VAV2: variants seen among roughly 807,000 people sequenced by gnomAD.
VAV2 encodes guanine nucleotide exchange factor VAV2.
VAV2 carries 67 observed loss-of-function variants against 132.5 expected under a neutral mutation model. That is an observed-to-expected ratio of 0.51 (90% CI 0.42 to 0.62). The LOEUF is 0.62. Ranked by LOEUF, VAV2 falls within the 20% of genes least tolerant of loss-of-function variation. The pLI is 0.00. For missense variants in VAV2, 938 were observed against 1,153.6 expected (o/e 0.81, Z 2.71); for synonymous variants, 492 against 443.5 (o/e 1.11, Z -1.37).
In VAV2 at chr9:133,885,403, T is replaced by G. The variant is rs1838663090; in HGVS notation, c.322-23971A>C. ...TCGATGAGCAAACATGGCCCAGCGA[T>G]TTGTGTTTCTCAGAGCCCTCTCATT... On this transcript the variant is annotated intron_variant, in intron 2 of 29. Coordinates refer to ENST00000371850, the MANE Select transcript of VAV2 (RefSeq NM_001134398.2). This position sits in a 1 kb window ranked among gnomAD's most constrained non-coding sequence, Gnocchi z 5.0. 6.6e-6 allele frequency among the ~76,000 whole-genome samples: 1 copy of G among 152,182 alleles called. No homozygotes were observed. Among genetic ancestry groups the G allele is most frequent in the Non-Finnish European group, 1.5e-5 (1 of 68,044 alleles).
chr9:133,794,702 TGTGGGGGGG>T lies in VAV2; in HGVS notation c.1101+957_1101+965del, dbSNP rs1834637592. 6.6e-6 allele frequency among the ~76,000 whole-genome samples: 1 copy of T among 151,942 alleles called. No individual in the cohort carries two copies. Among genetic ancestry groups the T allele is most frequent in the African/African-American group, 2.4e-5 (1 of 41,334 alleles). ...TGTCCTGTGCTCCCGACGAGGGAGA[TGTGGGGGGG>T]GTCGTCATCCCTCCACCCAGATGCA... On this transcript the variant is annotated intron_variant, in intron 12 of 29. Coordinates refer to ENST00000371850, the MANE Select transcript of VAV2 (RefSeq NM_001134398.2). The surrounding 1 kb of genome is among the most constrained non-coding windows in gnomAD (Gnocchi z 4.6).
intron 2 of VAV2, among the ~76,000 whole-genome samples, chr9:133,890,864 C>T: frequency 6.6e-6 from 1 of 152,106 alleles, no homozygotes; most frequent in Non-Finnish European, 1.5e-5. Flanking sequence ...GACTATGGCA[C>T]TGCCTGGGAT....
intron 3 of VAV2, among the ~76,000 whole-genome samples, chr9:133,848,389 G>C (rs1459572808): frequency 6.6e-6 from 1 of 152,166 alleles, no homozygotes; most frequent in Non-Finnish European, 1.5e-5. Context: ...GTTACTTCCT[G>C]GCAGGCGCTG....
chr9:133,859,625 A>G (rs1019754878), intron 3 of VAV2, among the ~76,000 whole-genome samples: 3 of 152,040 alleles, frequency 2.0e-5, no homozygotes, highest in African/African-American at 7.3e-5. Flanking sequence ...ATATGTAAAA[A>G]AAACAAAACA....
At position 133,821,588 on chromosome 9, in the gene VAV2, C is replaced by T. The variant is rs1294256116; in HGVS notation, c.450-9372G>A. On this transcript the variant is annotated intron_variant, in intron 4 of 29. Coordinates refer to ENST00000371850, the MANE Select transcript of VAV2 (RefSeq NM_001134398.2). ...GAAAGGAGGGGCTCATTCAATGAGA[C>T]GGCATTTAGCACAGGGGCCGGTCTC... Among the ~76,000 whole-genome samples, 8 of 152,140 alleles carry T rather than the reference C, an allele frequency of 5.3e-5. No homozygotes were observed. The East Asian group carries it at 1.2e-3, about 22-fold the overall frequency.
chr9:133,773,617 G>C (rs1398820713), intron 25 of VAV2, among the ~76,000 whole-genome samples: 1 of 151,342 alleles, frequency 6.6e-6, no homozygotes, highest in Non-Finnish European at 1.5e-5. Context: ...TTTATTCTTT[G>C]TATCCTTATT....
chr9:133,975,169 C>A (rs2519134), intron 1 of VAV2, among the ~76,000 whole-genome samples: 30,067 of 152,054 alleles, frequency 0.2, 3,071 homozygotes, highest in African/African-American at 0.25. Context: ...AGAACCCATC[C>A]CCTTACTAGG....
Position 133,824,896 on chromosome 9 carries a change from C to A in VAV2, c.449+9376G>T, listed in dbSNP as rs77196957. ...AGAGGGCTCAGGGCCCGGCCTGCAG[C>A]GCTCAGGGAGATGCAACTGGAAGCG... is the stretch of plus-strand genomic sequence containing the variant. On this transcript the variant is annotated intron_variant, in intron 4 of 29. Coordinates refer to ENST00000371850, the MANE Select transcript of VAV2 (RefSeq NM_001134398.2). The surrounding 1 kb of genome is among the most constrained non-coding windows in gnomAD (Gnocchi z 5.2). Among the ~76,000 whole-genome samples, 1,856 of 152,302 alleles carry A rather than the reference C, an allele frequency of 0.012. 39 individuals are homozygous for A. The highest frequency in any genetic ancestry group is 0.043 in the African/African-American group (1,769 of 41,552).
chr9:133,850,064 C>CT (rs1837105642), intron 3 of VAV2, among the ~76,000 whole-genome samples: 1 of 152,210 alleles, frequency 6.6e-6, no homozygotes, highest in Non-Finnish European at 1.5e-5. Flanking sequence ...TCAGGCCTTA[C>CT]TTTGAGAACC....
intron 3 of VAV2, among the ~76,000 whole-genome samples, chr9:133,838,317 A>G (rs879677837): frequency 3.3e-5 from 5 of 151,674 alleles, no homozygotes; most frequent in Admixed American, 1.3e-4. Flanking sequence ...TGCCTAGCAC[A>G]GTGCCTGGCG....
chr9:133,896,583 G>A (rs1839213489), intron 2 of VAV2, among the ~76,000 whole-genome samples: 1 of 152,188 alleles, frequency 6.6e-6, no homozygotes, highest in Non-Finnish European at 1.5e-5. Context: ...TCCACTATGC[G>A]AAACTTTCAA....
chr9:133,827,466 C>T (rs3017468), intron 4 of VAV2, among the ~76,000 whole-genome samples: 659 of 1,550 alleles, frequency 0.43, 216 homozygotes, highest in Non-Finnish European at 0.54. Flanking sequence ...CCTACCGCTG[C>T]GCCCACTGAG....
At chr9:133,837,887 C>T (rs1021216112) in intron 3 of VAV2, among the ~76,000 whole-genome samples, 17 of 152,226 alleles carry the variant, frequency 1.1e-4, no homozygotes, top group African/African-American at 4.1e-4. Context: ...ATACTGCTGC[C>T]CGTAAAATCT....
intron 2 of VAV2, among the ~76,000 whole-genome samples, chr9:133,922,663 G>A (rs1161547469): frequency 1.3e-5 from 2 of 152,170 alleles, no homozygotes; most frequent in African/African-American, 4.8e-5. Context: ...GGATGCAGGT[G>A]GATCCTTATC....
intron 2 of VAV2, among the ~76,000 whole-genome samples, chr9:133,892,859 G>A (rs565822004): frequency 6.6e-6 from 1 of 152,296 alleles, no homozygotes; most frequent in East Asian, 1.9e-4. Flanking sequence ...AAGCATTCCA[G>A]GTTCTTGTAA....
chr9:133,955,968 C>T (rs1841763672), intron 1 of VAV2, among the ~76,000 whole-genome samples: 1 of 151,036 alleles, frequency 6.6e-6, no homozygotes, highest in South Asian at 2.1e-4. Context: ...GGGGAGCTCT[C>T]AGACGGGCAG....
chr9:133,975,986 A>G (rs1189791933), intron 1 of VAV2, among the ~76,000 whole-genome samples: 2 of 151,860 alleles, frequency 1.3e-5, no homozygotes, highest in Non-Finnish European at 2.9e-5. Context: ...TCACGAGGTC[A>G]GTAGTTCAAG....
chr9:133,973,057 A>T (rs1215479895), intron 1 of VAV2, among the ~76,000 whole-genome samples: 1 of 152,018 alleles, frequency 6.6e-6, no homozygotes, highest in Non-Finnish European at 1.5e-5. Context: ...GAGAGATGGG[A>T]ACGGTAAGGA....
chr9:133,768,245 G>A lies in VAV2; in HGVS notation c.2589+197C>T, dbSNP rs1013134720. Among the ~76,000 whole-genome samples, 5 of 152,168 alleles carry A rather than the reference G, an allele frequency of 3.3e-5. No homozygotes were observed. The highest frequency in any genetic ancestry group is 4.8e-5 in the African/African-American group (2 of 41,428). On this transcript the variant is annotated intron_variant, in intron 29 of 29. Transcript: ENST00000371850. This position sits in a 1 kb window ranked among gnomAD's most constrained non-coding sequence, Gnocchi z 5.3. Reference sequence around the variant, plus strand: ...TTTCTGGCTGTGTGACCTTGGGTTCGTGGTAAACATCTGGAGCCTCGGTTT... The same window carrying A: ...TTTCTGGCTGTGTGACCTTGGGTTCATGGTAAACATCTGGAGCCTCGGTTT...
Sources: allele counts gnomAD v4.1 joint callset (sites outside exome capture counted in the v4.1 genomes callset), GRCh38; gene constraint gnomAD v4.1.1; non-coding constraint Gnocchi (gnomAD v3.1); transcripts MANE v1.5; gene names NCBI Gene and HGNC (gene_info 2026-07-23, HGNC 2026-07-21).